PRELID2: variants seen among roughly 807,000 people sequenced by gnomAD.
PRELID2 encodes the protein PRELI domain-containing protein 2.
PRELID2 carries 25 observed loss-of-function variants against 28.4 expected under a neutral mutation model. The observed-to-expected ratio is 0.88, with a 90% CI of 0.64 to 1.23. PRELID2 has a LOEUF of 1.23. Among genes scored for constraint, PRELID2 ranks in the 50% most tolerant of loss-of-function variants. PRELID2 has a pLI of 0.00. For missense variants in PRELID2, 201 were observed against 214.4 expected (o/e 0.94, Z 0.39); for synonymous variants, 76 against 71.6 (o/e 1.06, Z -0.31).
chr5:145,661,666 TAAAAAA>T (rs567073073), intron 1 of PRELID2, among the ~76,000 whole-genome samples: 106 of 97,170 alleles, frequency 1.1e-3, no homozygotes, highest in African/African-American at 3.1e-3. Context: ...AACAAGCCAT[TAAAAAA>T]AAAAAAAAAA....
the PRELID2 span, among the ~76,000 whole-genome samples, chr5:145,442,455 T>C: frequency 6.6e-6 from 1 of 152,036 alleles, no homozygotes; most frequent in Admixed American, 6.6e-5. Context: ...TAGGGCTCTC[T>C]CTTTGTTCCC....
Position 145,519,826 on chromosome 5 carries a change from A to G in PRELID2, n.71-46511T>C, listed in dbSNP as rs568854218. On this transcript the variant is annotated intron_variant and non_coding_transcript_variant, in intron 1 of 2. Coordinates refer to the PRELID2 transcript ENST00000510259. ...TTTATTTTATATTACAAAAAAATTA[A>G]ATAAAACGGGAGGTGCTAGGTTAGC... Among the ~76,000 whole-genome samples, 33 of 152,358 alleles carry G rather than the reference A, an allele frequency of 2.2e-4. No individual in the cohort carries two copies. The South Asian group carries it at 3.7e-3, about 17-fold the overall frequency.
At chr5:145,498,383 A>G (rs1249974204) in intron 1 of PRELID2, among the ~76,000 whole-genome samples, 2 of 152,164 alleles carry the variant, frequency 1.3e-5, no homozygotes, top group African/African-American at 4.8e-5. Flanking sequence ...TACACAGTCA[A>G]GCATGGTGGC....
rs937590680 is a variant in PRELID2, at chr5:145,587,331, C to A, written n.71-114016G>T. 3.3e-5 allele frequency among the ~76,000 whole-genome samples: 5 copies of A among 152,102 alleles called. No individual in the cohort carries two copies. The South Asian group carries it at 8.3e-4, about 25-fold the overall frequency. On this transcript the variant is annotated intron_variant and non_coding_transcript_variant, in intron 1 of 2. Coordinates refer to the PRELID2 transcript ENST00000510259. Reference sequence around the variant, plus strand: ...GGAGAATGCAGAGACTTACGTTATCCTTTGTGGCAAAGCAGTTTACTTCTA... The same window carrying A: ...GGAGAATGCAGAGACTTACGTTATCATTTGTGGCAAAGCAGTTTACTTCTA...
chr5:145,404,339 C>T, the PRELID2 span, among the ~76,000 whole-genome samples: 1 of 152,200 alleles, frequency 6.6e-6, no homozygotes, highest in South Asian at 2.1e-4. Context: ...AAGGACAACA[C>T]AAGCAACAGA....
chr5:145,730,407 C>T (rs1756304659), intron 1 of PRELID2, among the ~76,000 whole-genome samples: 1 of 152,226 alleles, frequency 6.6e-6, no homozygotes, highest in African/African-American at 2.4e-5. Context: ...ATAACTAGCA[C>T]ACTCTCAAAA....
chr5:145,496,261 C>T (rs770819283), intron 1 of PRELID2, among the ~76,000 whole-genome samples: 62 of 151,988 alleles, frequency 4.1e-4, no homozygotes, highest in Non-Finnish European at 8.2e-4. Flanking sequence ...TTTGAAGTGC[C>T]CACTAGACAT....
In PRELID2 at chr5:145,641,251, T is replaced by C. The variant is rs374740758; in HGVS notation, n.70+123680A>G. On this transcript the variant is annotated intron_variant and non_coding_transcript_variant, in intron 1 of 2. Transcript: ENST00000510259. Reference sequence around the variant, plus strand: ...TGGAAGAAGATATTTGTAATATACCTAACTGGCAAAGGATTAGTATCCAAA... The same window carrying C: ...TGGAAGAAGATATTTGTAATATACCCAACTGGCAAAGGATTAGTATCCAAA... 4.0e-4 allele frequency among the ~76,000 whole-genome samples: 61 copies of C among 151,984 alleles called. No homozygotes were observed. In the East Asian group the frequency reaches 8.9e-3, roughly 22 times the overall value.
At chr5:145,678,738 C>T (rs992117732) in intron 1 of PRELID2, among the ~76,000 whole-genome samples, 1 of 152,000 alleles carries the variant, frequency 6.6e-6, no homozygotes, top group African/African-American at 2.4e-5. Flanking sequence ...AACCTTACAC[C>T]GAGCCTTAAT....
At chr5:145,521,102 A>G (rs555873240) in intron 1 of PRELID2, among the ~76,000 whole-genome samples, 2 of 152,326 alleles carry the variant, frequency 1.3e-5, no homozygotes, top group South Asian at 2.1e-4. Context: ...TTTAATTCAC[A>G]GAAATTAAAG....
At chr5:145,322,849 G>C in the PRELID2 span, among the ~76,000 whole-genome samples, 3 of 152,098 alleles carry the variant, frequency 2.0e-5, no homozygotes, top group Non-Finnish European at 2.9e-5. Flanking sequence ...AAAGTAGAAA[G>C]CTGGGCCTGT....
intron 1 of PRELID2, among the ~76,000 whole-genome samples, chr5:145,726,539 A>T (rs1238785353): frequency 6.6e-6 from 1 of 152,160 alleles, no homozygotes; most frequent in Admixed American, 6.5e-5. Flanking sequence ...GATGATTAAC[A>T]GATGGATGGA....
chr5:145,391,684 GTT>G, the PRELID2 span, among the ~76,000 whole-genome samples: 3 of 137,198 alleles, frequency 2.2e-5, no homozygotes, highest in Admixed American at 7.3e-5. Flanking sequence ...AAAATGTTTT[GTT>G]TTTTTTTTTT....
the PRELID2 span, among the ~76,000 whole-genome samples, chr5:145,296,072 G>A: frequency 6.6e-6 from 1 of 152,052 alleles, no homozygotes; most frequent in African/African-American, 2.4e-5. Flanking sequence ...AGTGACAACA[G>A]AAGAAATTAT....
At chr5:145,276,623 T>G in the PRELID2 span, among the ~76,000 whole-genome samples, 1 of 152,304 alleles carries the variant, frequency 6.6e-6, no homozygotes, top group Non-Finnish European at 1.5e-5. Context: ...CCTCAATTTC[T>G]TATTCTTACT....
At chr5:145,617,601 C>T (rs570389506) in intron 1 of PRELID2, among the ~76,000 whole-genome samples, 5 of 152,220 alleles carry the variant, frequency 3.3e-5, no homozygotes, top group African/African-American at 1.2e-4. Context: ...AATTCGAAGG[C>T]CTTGTCTTCA....
the PRELID2 span, among the ~76,000 whole-genome samples, chr5:145,319,036 C>T: frequency 6.6e-6 from 1 of 152,142 alleles, no homozygotes; most frequent in East Asian, 1.9e-4. Context: ...AACATTCAGA[C>T]ATTCCTTCTC....
At chr5:145,495,581 T>A (rs2126629813) in intron 1 of PRELID2, among the ~76,000 whole-genome samples, 2 of 152,272 alleles carry the variant, frequency 1.3e-5, no homozygotes, top group East Asian at 3.9e-4. Context: ...ATGTTTCATA[T>A]TAGTCTCCTA....
intron 2 of PRELID2, among the ~76,000 whole-genome samples, chr5:145,820,936 G>A (rs957085200): frequency 1.3e-5 from 2 of 152,072 alleles, no homozygotes; most frequent in Non-Finnish European, 2.9e-5. Flanking sequence ...CTGACCTTTC[G>A]ACTTGGGGTT....
Sources: gnomAD v4.1 joint callset for allele counts (sites outside exome capture counted in the v4.1 genomes callset) on GRCh38, gnomAD v4.1.1 for gene constraint, MANE v1.5 for transcripts, NCBI Gene and HGNC (gene_info 2026-07-23, HGNC 2026-07-21) for gene names.